The following SNTG1 variants were observed in gnomAD, a reference collection of about 807,000 sequenced individuals.
SNTG1 encodes gamma-1-syntrophin.
A neutral mutation model predicts 74.7 loss-of-function variants in SNTG1; 39 were observed. That is an observed-to-expected ratio of 0.52 (90% confidence interval 0.40 to 0.68). The LOEUF (loss-of-function observed/expected upper bound fraction) is 0.68. SNTG1 is among the 30% of genes least tolerant of loss of function. SNTG1 has a pLI of 0.00. For missense variants in SNTG1, 685 were observed against 609.5 expected (o/e 1.12, Z -1.30); for synonymous variants, 254 against 217.1 (o/e 1.17, Z -1.49).
chr8:50,291,655 T>C (rs77175262), intron 2 of SNTG1, among the ~76,000 whole-genome samples: 10,513 of 152,094 alleles, frequency 0.069, 408 homozygotes, highest in African/African-American at 0.085. Context: ...AAAGGAGTAA[T>C]ATGATAAAAT....
intron 2 of SNTG1, among the ~76,000 whole-genome samples, chr8:50,315,816 C>T (rs535064049): frequency 6.6e-6 from 1 of 152,234 alleles, no homozygotes; most frequent in South Asian, 2.1e-4. Flanking sequence ...TGAACACCTG[C>T]ACTGCAATCA....
intron 1 of SNTG1, among the ~76,000 whole-genome samples, chr8:49,935,217 G>C (rs1807951282): frequency 6.7e-6 from 1 of 150,060 alleles, no homozygotes; most frequent in Non-Finnish European, 1.5e-5. Flanking sequence ...GTGTGTGTGT[G>C]TGTGTGTGTG....
At position 50,635,873 on chromosome 8, in the gene SNTG1, A is replaced by G. The variant is rs146290340; in HGVS notation, c.850-21036A>G. ...TAAAGCAAAAAGCATCAAAACTACC[A>G]CAGCTAGGAATGTGCTTGGTATCAC... On this transcript the variant is annotated intron_variant, in intron 13 of 18. Transcript: ENST00000642720. Among the ~76,000 whole-genome samples, 379 of 152,018 alleles carry G rather than the reference A, an allele frequency of 2.5e-3. 2 individuals carry two copies. The highest frequency in any genetic ancestry group is 8.7e-3 in the African/African-American group (362 of 41,502).
chr8:50,026,823 A>C (rs184747123), intron 1 of SNTG1, among the ~76,000 whole-genome samples: 151 of 152,280 alleles, frequency 9.9e-4, no homozygotes, highest in Admixed American at 2.9e-3. Flanking sequence ...GCATTGTTTA[A>C]AACCTATATT....
chr8:50,669,889 A>G (rs2095270976), intron 15 of SNTG1, among the ~76,000 whole-genome samples: 1 of 152,216 alleles, frequency 6.6e-6, no homozygotes, highest in Admixed American at 6.5e-5. Context: ...GGTTCAATAT[A>G]GGCAAATCAA....
At chr8:50,135,997 T>C (rs1319842002) in intron 1 of SNTG1, among the ~76,000 whole-genome samples, 2 of 152,126 alleles carry the variant, frequency 1.3e-5, no homozygotes, top group Non-Finnish European at 2.9e-5. Flanking sequence ...AGTGAAAACA[T>C]GTTGTATTTG....
At chr8:50,575,498 C>G (rs1028637051) in intron 12 of SNTG1, among the ~76,000 whole-genome samples, 2 of 152,178 alleles carry the variant, frequency 1.3e-5, no homozygotes, top group East Asian at 3.9e-4. Flanking sequence ...AGCTCCTTTT[C>G]TGTTTTCCAG....
At chr8:50,276,408 T>TAA (rs905627342) in intron 2 of SNTG1, among the ~76,000 whole-genome samples, 10 of 133,056 alleles carry the variant, frequency 7.5e-5, no homozygotes, top group Middle Eastern at 4.2e-3. Flanking sequence ...TATATATATA[T>TAA]AAATCATATA....
chr8:50,211,168 A>G (rs905365512), intron 2 of SNTG1, among the ~76,000 whole-genome samples: 7 of 152,166 alleles, frequency 4.6e-5, no homozygotes, highest in African/African-American at 1.7e-4. Context: ...TTTTAAAATT[A>G]CAAATGGTAA....
intron 4 of SNTG1, among the ~76,000 whole-genome samples, chr8:50,408,768 T>G (rs2092911331): frequency 6.6e-6 from 1 of 152,194 alleles, no homozygotes; most frequent in Non-Finnish European, 1.5e-5. Context: ...CTCCTTGCTC[T>G]GAATTCCTGG....
chr8:50,165,845 G>A (rs896829419), intron 1 of SNTG1, among the ~76,000 whole-genome samples: 1 of 152,062 alleles, frequency 6.6e-6, no homozygotes, highest in Non-Finnish European at 1.5e-5. Context: ...TATGCTGGAG[G>A]CATCACACTA....
At chr8:50,586,047 C>T (rs1427258298) in intron 12 of SNTG1, among the ~76,000 whole-genome samples, 1 of 152,134 alleles carries the variant, frequency 6.6e-6, no homozygotes, top group Non-Finnish European at 1.5e-5. Flanking sequence ...CATTCCCCAC[C>T]CAGCCTGATT....
chr8:50,067,464 T>C (rs1368295497), intron 1 of SNTG1, among the ~76,000 whole-genome samples: 1 of 152,214 alleles, frequency 6.6e-6, no homozygotes, highest in African/African-American at 2.4e-5. Flanking sequence ...ATGTGGGATT[T>C]TATTTTGAAT....
intron 18 of SNTG1, among the ~76,000 whole-genome samples, chr8:50,782,009 C>A (rs1053315372): frequency 6.6e-6 from 1 of 152,152 alleles, no homozygotes; most frequent in East Asian, 1.9e-4. Flanking sequence ...ACATTCTTTT[C>A]TTTAAGAATG....
intron 13 of SNTG1, among the ~76,000 whole-genome samples, chr8:50,591,370 T>A (rs889401849): frequency 3.9e-5 from 6 of 152,180 alleles, no homozygotes; most frequent in African/African-American, 1.4e-4. Context: ...TTACTCTTGA[T>A]ATCAACTTTG....
rs2092685938 is a variant in SNTG1, at chr8:50,393,256, G to A, written c.-27-956G>A. ...GTAATAATCTATCAGTTCAGTGACAGCATGGTGATACCTCCTACTCTGTTT... is the reference window on the plus strand; with the variant it reads ...GTAATAATCTATCAGTTCAGTGACAACATGGTGATACCTCCTACTCTGTTT... On this transcript the variant is annotated intron_variant, in intron 2 of 18. Coordinates refer to ENST00000642720, the MANE Select transcript of SNTG1 (RefSeq NM_018967.5). Among the ~76,000 whole-genome samples the A allele has an allele frequency of 3.3e-5, 5 of 152,180 alleles. 1 individual carries two copies. In the South Asian group the frequency reaches 1.0e-3, roughly 32 times the overall value.
intron 2 of SNTG1, among the ~76,000 whole-genome samples, chr8:50,312,448 C>A (rs1563881765): frequency 7.2e-6 from 1 of 138,014 alleles, no homozygotes; most frequent in Non-Finnish European, 1.5e-5. Context: ...TATTTTTATG[C>A]ATAATGAATT....
intron 1 of SNTG1, among the ~76,000 whole-genome samples, chr8:50,015,363 A>G (rs1451372488): frequency 1.3e-5 from 2 of 152,010 alleles, no homozygotes; most frequent in Non-Finnish European, 2.9e-5. Flanking sequence ...GAGAGTGGAA[A>G]AACAATGAAG....
chr8:50,241,654 G>A (rs2086168134), intron 2 of SNTG1, among the ~76,000 whole-genome samples: 1 of 152,156 alleles, frequency 6.6e-6, no homozygotes, highest in Admixed American at 6.5e-5. Flanking sequence ...TTTTGGCGAA[G>A]AGAAGAGTAA....
Sources: gnomAD v4.1 joint callset for allele counts (sites outside exome capture counted in the v4.1 genomes callset) on GRCh38, gnomAD v4.1.1 for gene constraint, MANE v1.5 for transcripts, NCBI Gene and HGNC (gene_info 2026-07-23, HGNC 2026-07-21) for gene names.